HYAL3: variants seen among roughly 807,000 people sequenced by gnomAD.
The protein encoded by HYAL3 is hyaluronidase 3.
A neutral mutation model predicts 29.6 loss-of-function variants in HYAL3; 25 were observed. The observed-to-expected ratio is 0.85, with a 90% CI of 0.62 to 1.18. The LOEUF (loss-of-function observed/expected upper bound fraction) is 1.18, where lower values mean the gene tolerates loss of function less well. HYAL3 is among the 50% of genes most tolerant of loss of function. The pLI, the probability that HYAL3 is intolerant of heterozygous loss-of-function variation, is 0.00. For synonymous variants in HYAL3, 215 were observed against 218.3 expected (o/e 0.99, Z 0.13); for missense variants, 442 against 548.4 (o/e 0.81, Z 1.94).
chr3:50,298,056 G>A, intron 1 of HYAL3: 1 of 985,646 alleles, frequency 1.0e-6, no homozygotes, highest in Non-Finnish European at 1.2e-6. Flanking sequence ...CTGGCCTTCT[G>A]TCTTCCAGTA....
In HYAL3 at chr3:50,293,402, G is replaced by A. The variant is rs1553710376; in HGVS notation, c.1098C>T (p.Arg366=). ...CSHQRCHGHG[R]CARRDPGQME... is the part of the protein sequence containing the mutation. ...TCTGTCCTGGATCTCGCCGGGCACA[G>A]CGCCCGTGGCCATGGCACCGCTGGT... Residue 366 remains arginine, a synonymous_variant, in exon 4 of 4, where the codon CGC becomes CGT. Transcript: ENST00000336307. 2 of 1,613,562 alleles carry A rather than the reference G, an allele frequency of 1.2e-6. No individual in the cohort carries two copies. Among genetic ancestry groups the A allele is most frequent in the Admixed American group, 1.7e-5 (1 of 60,004 alleles).
Position 50,293,362 on chromosome 3 carries a change from G to A in HYAL3, c.1138C>T (p.His380Tyr). 1 of 1,613,570 alleles carries A rather than the reference G, an allele frequency of 6.2e-7. No individual in the cohort carries two copies. The highest frequency in any genetic ancestry group is 8.5e-7 in the Non-Finnish European group (1 of 1,180,040). ...CCAAGGCTGCCGTCTGGCCACAGGT[G>A]TAGAAAGGCTTCCATCTGTCCTGGA... ...RDPGQMEAFL[H>Y]LWPDGSLGDW... The change falls in exon 4 of 4, where the codon CAC becomes TAC. Residue 380 changes from histidine to tyrosine, a missense_variant. Physicochemically the swap from His to Tyr is moderately conservative, Grantham distance 83 (BLOSUM62 2). Transcript: ENST00000336307.
intron 1 of HYAL3, chr3:50,296,809 G>A (rs369644628): frequency 2.2e-5 from 35 of 1,579,676 alleles, no homozygotes; most frequent in Middle Eastern, 3.7e-4. Flanking sequence ...CTGGGTGGCC[G>A]GGGAGAGGGG....
At chr3:50,294,635 G>T (rs1701768697) in intron 2 of HYAL3, 74 bp downstream of exon 2, 1 of 1,315,022 alleles carries the variant, frequency 7.6e-7, no homozygotes, top group South Asian at 2.0e-5. Context: ...CCTAGGCAAG[G>T]TCTTCTCCTG....
In HYAL3 at chr3:50,297,043, C is replaced by T. The variant is rs781893756; in HGVS notation, c.-17-1424G>A. On this transcript the variant is annotated intron_variant, in intron 1 of 3. Coordinates refer to ENST00000336307, the MANE Select transcript of HYAL3 (RefSeq NM_003549.4). This position sits in a 1 kb window ranked among gnomAD's most constrained non-coding sequence, Gnocchi z 4.3. ...CCCCTCAGGGCCCGGGCCACCACCA[C>T]TGTCTCCACTAAGAGGCTCTGGGGC... 3.4e-5 allele frequency: 53 copies of T among 1,537,622 alleles called. No individual in the cohort carries two copies. The highest frequency in any genetic ancestry group is 4.5e-5 in the Non-Finnish European group (52 of 1,145,398).
chr3:50,299,132 G>A, intron 1 of HYAL3, 81 bp downstream of exon 1: 1 of 1,613,110 alleles, frequency 6.2e-7, no homozygotes, highest in African/African-American at 1.3e-5. Flanking sequence ...CGGGGAGGGC[G>A]TGCAGGGTGG....
Position 50,293,484 on chromosome 3 carries a change from A to G in HYAL3, c.1016T>C (p.Val339Ala). ...EECWHLHDYL[V>A]DTLGPYVINV... The stretch of plus-strand genomic sequence containing the variant: ...GATCACATAGGGGCCCAAGGTGTCC[A>G]CCAGGTAGTCATGGAGATGCCAGCA... Residue 339 changes from valine to alanine, a missense_variant, in exon 4 of 4, where the codon GTG (valine) becomes GCG (alanine). Physicochemically the swap from Val to Ala is moderately conservative, Grantham distance 64. Coordinates refer to ENST00000336307, the MANE Select transcript of HYAL3 (RefSeq NM_003549.4). 6.2e-7 allele frequency: 1 copy of G among 1,613,442 alleles called. No individual in the cohort carries two copies. The highest frequency in any genetic ancestry group is 8.5e-7 in the Non-Finnish European group (1 of 1,179,672).
intron 1 of HYAL3, 170 bp downstream of exon 1, chr3:50,299,043 C>A (rs782150206): frequency 1.9e-6 from 3 of 1,562,998 alleles, no homozygotes; most frequent in Non-Finnish European, 2.6e-6. Context: ...GGCTGTGGAG[C>A]TTTTGGGAAT....
In HYAL3 at chr3:50,293,468, G is replaced by A. The variant is rs782449899; in HGVS notation, c.1032C>T (p.Pro344=). Reference sequence around the variant, plus strand: ...CTGCCCTGGTCACATTGATCACATAGGGGCCCAAGGTGTCCACCAGGTAGT... The same window carrying A: ...CTGCCCTGGTCACATTGATCACATAAGGGCCCAAGGTGTCCACCAGGTAGT... ...LHDYLVDTLG[P]YVINVTRAAM... The change falls in exon 4 of 4, where the codon CCC becomes CCT. Residue 344 remains proline (P), a synonymous_variant. Transcript: ENST00000336307. 4 of 1,613,708 alleles carry A rather than the reference G, an allele frequency of 2.5e-6. No individual in the cohort carries two copies. Among genetic ancestry groups the A allele is most frequent in the Non-Finnish European group, 3.4e-6 (4 of 1,179,938 alleles).
chr3:50,295,402 A>C lies in HYAL3; in HGVS notation c.201T>G (p.Gly67=). The change falls in exon 2 of 4, where the codon GGT becomes GGG. Residue 67 remains glycine (G), a synonymous_variant. Transcript: ENST00000336307. ...TCTTGTAGAAAATGGTCATGTTCTG[A>C]CCGTGAAAATGCTGGCCACGGTTGG... ...IIANRGQHFH[G]QNMTIFYKNQ... The C allele has an allele frequency of 1.2e-6, 2 of 1,614,172 alleles. No individual in the cohort carries two copies. The highest frequency in any genetic ancestry group is 2.2e-5 in the South Asian group (2 of 91,082).
intron 2 of HYAL3, among the ~76,000 whole-genome samples, chr3:50,294,361 G>C (rs1405682994): frequency 6.6e-6 from 1 of 152,112 alleles, no homozygotes; most frequent in Non-Finnish European, 1.5e-5. Context: ...TCGAACTCTT[G>C]GCCTCAAGGA....
intron 1 of HYAL3, among the ~76,000 whole-genome samples, chr3:50,298,647 G>A (rs1701971788): frequency 6.6e-6 from 1 of 152,256 alleles, no homozygotes; most frequent in East Asian, 1.9e-4. Context: ...TATGCTGGGG[G>A]TTTTCTAGTC....
At chr3:50,294,508 C>T (rs587685142) in intron 2 of HYAL3, among the ~76,000 whole-genome samples, 2 of 152,282 alleles carry the variant, frequency 1.3e-5, no homozygotes, top group East Asian at 3.9e-4. Flanking sequence ...CTCAGGCCAG[C>T]ACTCCAAAGG....
Position 50,295,140 on chromosome 3 carries a change from G to C in HYAL3, c.463C>G (p.Gln155Glu). 6.2e-7 allele frequency: 1 copy of C among 1,613,572 alleles called. No homozygotes were observed. The highest frequency in any genetic ancestry group is 2.2e-5 in the East Asian group (1 of 44,880). ...TGAGGGTCCAGGTCAGGGAATACCT[G>C]CTGTGCCCAAGCCCAAGAGGCTGCC... ...YQAASWAWAQQVFPDLDPQEQ... is the reference protein window; with the variant it reads ...YQAASWAWAQEVFPDLDPQEQ... The change falls in exon 2 of 4, where the codon CAG becomes GAG. Residue 155 changes from glutamine to glutamate, a missense_variant. Coordinates refer to ENST00000336307, the MANE Select transcript of HYAL3 (RefSeq NM_003549.4).
chr3:50,299,398 C>A lies in HYAL3; in HGVS notation c.-203G>T. ...AAGGCCTCCCAGCACCCGCGCGTCG[C>A]CGCTTAGAACCCGCCCCTGGTTTGC... On this transcript the variant is annotated 5_prime_UTR_variant, in exon 1 of 4. Transcript: ENST00000336307. 7.5e-7 allele frequency: 1 copy of A among 1,331,462 alleles called. No homozygotes were observed. Among genetic ancestry groups the A allele is most frequent in the Non-Finnish European group, 1.0e-6 (1 of 975,490 alleles). The allele number at this position is 1,331,462 out of a possible 1,614,324, so 82.5% of individuals were successfully genotyped here.
In HYAL3 at chr3:50,297,923, G is replaced by C; in HGVS notation, c.-18+1290C>G. The C allele has an allele frequency of 1.0e-6, 1 of 994,028 alleles. No homozygotes were observed. Among genetic ancestry groups the C allele is most frequent in the South Asian group, 4.7e-5 (1 of 21,488 alleles). 61.6% of individuals were successfully genotyped at this position (994,028 alleles called of 1,614,324 possible). Reference sequence around the variant, plus strand: ...AGTGATGGATGAGCTGCTTAAGGCTGGGGCAGAACCTAGGAGTCCTGGCCC... The same window carrying C: ...AGTGATGGATGAGCTGCTTAAGGCTCGGGCAGAACCTAGGAGTCCTGGCCC... On this transcript the variant is annotated intron_variant, in intron 1 of 3. Transcript: ENST00000336307. The surrounding 1 kb of genome is among the most constrained non-coding windows in gnomAD (Gnocchi z 4.3).
At position 50,295,378 on chromosome 3, in the gene HYAL3, C is replaced by T; in HGVS notation, c.225G>A (p.Lys75=). 6.2e-7 allele frequency: 1 copy of T among 1,614,202 alleles called. No homozygotes were observed. The highest frequency in any genetic ancestry group is 8.5e-7 in the Non-Finnish European group (1 of 1,180,038). The change falls in exon 2 of 4, where the codon AAG becomes AAA. Residue 75 remains lysine (K), a synonymous_variant. Transcript: ENST00000336307. ...FHGQNMTIFY[K]NQLGLYPYFG... is the part of the protein sequence containing the mutation. Reference sequence around the variant, plus strand: ...AGTAGGGATAGAGGCCGAGTTGGTTCTTGTAGAAAATGGTCATGTTCTGAC... The same window carrying T: ...AGTAGGGATAGAGGCCGAGTTGGTTTTTGTAGAAAATGGTCATGTTCTGAC...
At position 50,297,264 on chromosome 3, in the gene HYAL3, C is replaced by T. The variant is rs374757971; in HGVS notation, c.-17-1645G>A. 1.8e-4 allele frequency: 286 copies of T among 1,608,926 alleles called. No individual in the cohort carries two copies. The highest frequency in any genetic ancestry group is 4.1e-4 in the African/African-American group (31 of 74,928). On this transcript the variant is annotated intron_variant, in intron 1 of 3. Transcript: ENST00000336307. The surrounding 1 kb of genome is among the most constrained non-coding windows in gnomAD (Gnocchi z 4.3). ...ACAAGCATCCAGGAGCTCGGGTCGGCGGTGCACAGGCTCCAGGGTCAACTC... is the reference window on the plus strand; with the variant it reads ...ACAAGCATCCAGGAGCTCGGGTCGGTGGTGCACAGGCTCCAGGGTCAACTC...
rs1553711289 is a variant in HYAL3 at position 50,296,879 on chromosome 3, C to A, written c.-17-1260G>T. 1.9e-6 allele frequency: 3 copies of A among 1,605,398 alleles called. No homozygotes were observed. The East Asian group carries it at 6.7e-5, about 36-fold the overall frequency. On this transcript the variant is annotated intron_variant, in intron 1 of 3. Coordinates refer to ENST00000336307, the MANE Select transcript of HYAL3 (RefSeq NM_003549.4). ...GCCGTCTGCTGGTGAAGACCAGGCC[C>A]TGCACAGGCTCACCCAGCTGGTAGC...
Sources: gnomAD v4.1 joint callset for allele counts (sites outside exome capture counted in the v4.1 genomes callset) on GRCh38, gnomAD v4.1.1 for gene constraint, Gnocchi (gnomAD v3.1) non-coding constraint, MANE v1.5 for transcripts, NCBI Gene and HGNC (gene_info 2026-07-23, HGNC 2026-07-21) for gene names.